LAMA2: variants seen among roughly 807,000 people sequenced by gnomAD.
LAMA2 encodes laminin subunit alpha 2, also known as laminin subunit alpha-2.
Under a neutral mutation model 364.8 loss-of-function variants are expected in LAMA2, and 269 were observed. The observed-to-expected ratio is 0.74, with a 90% confidence interval of 0.67 to 0.82. The LOEUF is 0.82. Ranked by LOEUF, LAMA2 falls within the 40% of genes least tolerant of loss-of-function variation. LAMA2 has a pLI of 0.00. For synonymous variants in LAMA2, 1,379 were observed against 1,370.6 expected, an observed-to-expected ratio of 1.01 and a Z score of -0.14; for missense variants, 3,807 against 3,873.2, an observed-to-expected ratio of 0.98 and a Z score of 0.45.
rs570914724 is a variant in LAMA2, at chr6:129,085,734, A to C, written c.397-12439A>C. ...GAAATCCAGCTCTCAGCACTTCATA[A>C]ATCATTTCTGACCTGATGTCACTGA... On this transcript the variant is annotated intron_variant, in intron 3 of 64. Transcript: ENST00000421865. Among the ~76,000 whole-genome samples, 5 of 152,284 alleles carry C rather than the reference A, an allele frequency of 3.3e-5. No individual in the cohort carries two copies. In the East Asian group the frequency reaches 9.7e-4, roughly 29 times the overall value.
At chr6:129,020,643 C>G (rs530234789) in intron 1 of LAMA2, among the ~76,000 whole-genome samples, 158 of 152,238 alleles carry the variant, frequency 1.0e-3, no homozygotes, top group African/African-American at 3.7e-3. Flanking sequence ...GTGTCCCAGG[C>G]GTGGTGTCCC....
chr6:129,070,930 C>T (rs912390567), intron 3 of LAMA2, among the ~76,000 whole-genome samples: 2 of 152,100 alleles, frequency 1.3e-5, no homozygotes, highest in Admixed American at 6.6e-5. Context: ...GTAACTACTA[C>T]TGAGACAAAA....
Position 129,475,513 on chromosome 6 carries a change from T to C in LAMA2, c.7451+112T>C, listed in dbSNP as rs76489598. ...AGCAACACCAGTACAGCTTTGTTCA[T>C]AGTATGTTTCACGAGCAAGCCGTGC... On this transcript the variant is annotated intron_variant, in intron 53 of 64. Coordinates refer to ENST00000421865, the MANE Select transcript of LAMA2 (RefSeq NM_000426.4). The C allele has an allele frequency of 8.4e-4, 630 of 746,734 alleles. 5 individuals are homozygous for C. The African/African-American group carries it at 9.8e-3, about 12-fold the overall frequency. The allele number at this position is 746,734 out of a possible 1,614,324, so 46.3% of individuals were successfully genotyped here.
At position 129,359,949 on chromosome 6, in the gene LAMA2, C is replaced by G. The variant is rs1046732053; in HGVS notation, c.4718-6270C>G. Reference sequence around the variant, plus strand: ...TGCATGATTTGCCCCTTACATGTGCCCAGCCATAACAATCTGAATTTAGTA... The same window carrying G: ...TGCATGATTTGCCCCTTACATGTGCGCAGCCATAACAATCTGAATTTAGTA... On this transcript the variant is annotated intron_variant, in intron 32 of 64. Transcript: ENST00000421865. Among the ~76,000 whole-genome samples, 15 of 152,164 alleles carry G rather than the reference C, an allele frequency of 9.9e-5. 1 individual carries two copies. In the East Asian group the frequency reaches 2.1e-3, roughly 22 times the overall value.
At chr6:129,313,466 A>G (rs1404044505) in intron 23 of LAMA2, among the ~76,000 whole-genome samples, 5 of 152,338 alleles carry the variant, frequency 3.3e-5, no homozygotes, top group Admixed American at 2.0e-4. Context: ...CAGCTAAATA[A>G]TAAGGCTTAT....
Position 129,516,390 on chromosome 6 carries a change from A to G in LAMA2, c.*43A>G. On this transcript the variant is annotated 3_prime_UTR_variant, in exon 65 of 65. Transcript: ENST00000421865. Reference sequence around the variant, plus strand: ...CCAGGAAGAGTCTGTCAAAACAAGTATATCAAGTAAAACAAACAAATATAT... The same window carrying G: ...CCAGGAAGAGTCTGTCAAAACAAGTGTATCAAGTAAAACAAACAAATATAT... 1.9e-6 allele frequency: 3 copies of G among 1,580,998 alleles called. No individual in the cohort carries two copies. The highest frequency in any genetic ancestry group is 2.2e-5 in the South Asian group (2 of 89,906).
At chr6:129,042,166 G>T (rs189368876) in intron 1 of LAMA2, among the ~76,000 whole-genome samples, 2 of 151,724 alleles carry the variant, frequency 1.3e-5, no homozygotes, top group African/African-American at 4.8e-5. Flanking sequence ...TTAGCTGGGC[G>T]TGGTGGCAGG....
rs573563174 is a variant in LAMA2 at position 129,320,576 on chromosome 6, G to T, written c.4097G>T (p.Arg1366Leu). The T allele has an allele frequency of 8.1e-6, 13 of 1,613,110 alleles. No homozygotes were observed. Among genetic ancestry groups the T allele is most frequent in the East Asian group, 2.2e-5 (1 of 44,868 alleles). Residue 1366 changes from arginine to leucine, a missense_variant, in exon 28 of 65, where the codon CGT becomes CTT. This residue lies in a region of LAMA2 where 3,333 missense variants were observed against 3,345.7 expected (regional missense o/e 1.00). Transcript: ENST00000421865. ...TCAATGGAGGTAGCTGAACAAGGAC[G>T]TGGAACAACAATGACTCCTCCAGCT... ...EISMEVAEQG[R>L]GTTMTPPADL...
intron 18 of LAMA2, among the ~76,000 whole-genome samples, chr6:129,282,312 A>AAT (rs1212120171): frequency 1.3e-5 from 2 of 152,184 alleles, no homozygotes; most frequent in Non-Finnish European, 2.9e-5. Flanking sequence ...ATATAGCAAG[A>AAT]ATATATCTCA....
At chr6:129,513,971 T>A (rs902746210) in intron 63 of LAMA2, among the ~76,000 whole-genome samples, 1 of 152,158 alleles carries the variant, frequency 6.6e-6, no homozygotes. Flanking sequence ...AATTAATGAG[T>A]CACTTTAAAC....
chr6:129,408,719 G>A (rs1780373006), intron 40 of LAMA2, among the ~76,000 whole-genome samples: 1 of 152,102 alleles, frequency 6.6e-6, no homozygotes, highest in African/African-American at 2.4e-5. Context: ...TGGGCACTCA[G>A]CGGTGGCTAT....
intron 27 of LAMA2, among the ~76,000 whole-genome samples, chr6:129,317,963 T>G (rs1312940903): frequency 6.6e-6 from 1 of 151,932 alleles, no homozygotes; most frequent in Admixed American, 6.6e-5. Context: ...CCTCACCAAA[T>G]GAGATCTTTT....
intron 9 of LAMA2, among the ~76,000 whole-genome samples, chr6:129,170,190 C>A (rs1780043414): frequency 6.8e-6 from 1 of 147,860 alleles, no homozygotes; most frequent in Admixed American, 6.6e-5. Context: ...TTAGTTATTT[C>A]TTGCCTTCTG....
chr6:129,054,831 G>A (rs1018026130), intron 2 of LAMA2, among the ~76,000 whole-genome samples: 5 of 150,430 alleles, frequency 3.3e-5, no homozygotes, highest in Non-Finnish European at 5.9e-5. Flanking sequence ...ATAAAAATGG[G>A]ATGGAGGAAT....
Position 128,987,179 on chromosome 6 carries a change from C to A in LAMA2, c.113-62739C>A, listed in dbSNP as rs182618368. 3.0e-3 allele frequency among the ~76,000 whole-genome samples: 399 copies of A among 132,738 alleles called. 2 individuals carry two copies. Among genetic ancestry groups the A allele is most frequent in the African/African-American group, 9.6e-3 (374 of 38,820 alleles). 87.1% of individuals were successfully genotyped at this position (132,738 alleles called of 152,430 possible). A position where few individuals can be genotyped will look rare whatever the true frequency, so the allele number is the denominator to read the frequency against. ...TTTGAGGCAGAGTCTCTCTCTGTCACCCAGGCTGGAGTGCAGTGGCAGGAT... is the reference window on the plus strand; with the variant it reads ...TTTGAGGCAGAGTCTCTCTCTGTCAACCAGGCTGGAGTGCAGTGGCAGGAT... On this transcript the variant is annotated intron_variant, in intron 1 of 64. Coordinates refer to ENST00000421865, the MANE Select transcript of LAMA2 (RefSeq NM_000426.4).
At chr6:129,434,088 ATAGT>A (rs1468274022) in intron 41 of LAMA2, among the ~76,000 whole-genome samples, 1 of 152,214 alleles carries the variant, frequency 6.6e-6, no homozygotes, top group Non-Finnish European at 1.5e-5. Context: ...GAGATCGTAC[ATAGT>A]TAGTTCTAAT....
Position 129,493,359 on chromosome 6 carries a change from G to A in LAMA2, c.8244+876G>A, listed in dbSNP as rs557124472. Among the ~76,000 whole-genome samples the A allele has an allele frequency of 6.9e-4, 105 of 152,260 alleles. 1 individual carries two copies. Among genetic ancestry groups the A allele is most frequent in the African/African-American group, 2.4e-3 (98 of 41,556 alleles). On this transcript the variant is annotated intron_variant, in intron 58 of 64. Transcript: ENST00000421865. ...ATCCCAGCACTGTAACCGACCATCT[G>A]TGTGAATTTGGGAAAGCTACCTGTC... is the stretch of plus-strand genomic sequence containing the variant.
intron 28 of LAMA2, among the ~76,000 whole-genome samples, chr6:129,326,327 G>A (rs545633190): frequency 3.3e-4 from 50 of 152,134 alleles, no homozygotes; most frequent in African/African-American, 1.2e-3. Context: ...TCCCACTATG[G>A]GCGCTTGTCT....
Position 129,512,420 on chromosome 6 carries a change from C to T in LAMA2, c.8915C>T (p.Thr2972Ile). Residue 2972 changes from threonine to isoleucine, a missense_variant, in exon 63 of 65, where the codon ACA (threonine) becomes ATA (isoleucine). Coordinates refer to ENST00000421865, the MANE Select transcript of LAMA2 (RefSeq NM_000426.4). Reference sequence around the variant, plus strand: ...GTAGAATTTGAATTCCGCACAACTACAACGACTGGAGTTCTTCTGGGGATC... The same window carrying T: ...GTAGAATTTGAATTCCGCACAACTATAACGACTGGAGTTCTTCTGGGGATC... Reference protein sequence around the residue: ...LLVEFEFRTTTTTGVLLGISS... With the variant: ...LLVEFEFRTTITTGVLLGISS... The T allele has an allele frequency of 1.9e-6, 3 of 1,613,322 alleles. No individual in the cohort carries two copies. The South Asian group carries it at 3.3e-5, about 18-fold the overall frequency.
Sources: gnomAD v4.1 joint callset for allele counts (sites outside exome capture counted in the v4.1 genomes callset) on GRCh38, gnomAD v4.1.1 for gene constraint, gnomAD v4.1.1 regional missense constraint, MANE v1.5 for transcripts, NCBI Gene and HGNC (gene_info 2026-07-23, HGNC 2026-07-21) for gene names.